SLC44A5: variants seen among roughly 807,000 people sequenced by gnomAD.
The protein encoded by SLC44A5 is solute carrier family 44 member 5, also known as choline transporter-like protein 5.
Under a neutral mutation model 101.8 loss-of-function variants are expected in SLC44A5, and 57 were observed. The ratio of observed to expected loss-of-function variants is 0.56; its 90% CI spans 0.45 to 0.70. The LOEUF is 0.70. Among genes scored for constraint, SLC44A5 ranks in the 30% least tolerant of loss-of-function variants. The probability of loss-of-function intolerance (pLI) is 0.00; values close to 1 mark genes in which losing one functional copy is unlikely to be tolerated. For synonymous variants in SLC44A5, 281 were observed against 290.9 expected (o/e 0.97, Z 0.35); for missense variants, 737 against 853.1 (o/e 0.86, Z 1.70).
At chr1:75,649,785 C>T in the SLC44A5 span, among the ~76,000 whole-genome samples, 393 of 152,190 alleles carry the variant, frequency 2.6e-3, 3 homozygotes, top group African/African-American at 9.1e-3. Context: ...AGAAATCCCA[C>T]AAAACTCACT....
chr1:75,433,767 T>C (rs1891903), intron 2 of SLC44A5, among the ~76,000 whole-genome samples: 31,335 of 152,104 alleles, frequency 0.21, 3,389 homozygotes, highest in Non-Finnish European at 0.24. Flanking sequence ...GTTTTCACAC[T>C]GCTGATAAAG....
chr1:75,564,779 G>A (rs1672705038), intron 1 of SLC44A5, among the ~76,000 whole-genome samples: 1 of 151,834 alleles, frequency 6.6e-6, no homozygotes, highest in Non-Finnish European at 1.5e-5. Flanking sequence ...GCCACCACCA[G>A]GCCCAGCTAA....
At chr1:75,367,638 C>T (rs140248685) in intron 3 of SLC44A5, among the ~76,000 whole-genome samples, 63 of 152,316 alleles carry the variant, frequency 4.1e-4, no homozygotes, top group African/African-American at 1.4e-3. Flanking sequence ...TGTGGTTCCT[C>T]GTGCGTCCCT....
chr1:75,558,760 C>T (rs1194687565), intron 1 of SLC44A5, among the ~76,000 whole-genome samples: 1 of 152,070 alleles, frequency 6.6e-6, no homozygotes, highest in Non-Finnish European at 1.5e-5. Context: ...CTGAGAAAAA[C>T]ATATTTATGT....
At chr1:75,287,553 G>C (rs569031662) in intron 5 of SLC44A5, among the ~76,000 whole-genome samples, 48 of 141,904 alleles carry the variant, frequency 3.4e-4, no homozygotes, top group Non-Finnish European at 4.5e-4. Flanking sequence ...TTGTTTTTCT[G>C]GTTCCTTCTC....
chr1:75,376,194 G>A (rs2101208858), intron 3 of SLC44A5, among the ~76,000 whole-genome samples: 1 of 152,334 alleles, frequency 6.6e-6, no homozygotes, highest in African/African-American at 2.4e-5. Flanking sequence ...CTACGCCCAT[G>A]GAGTCTCGCT....
chr1:75,427,805 G>A (rs1664397860), intron 2 of SLC44A5, among the ~76,000 whole-genome samples: 1 of 152,126 alleles, frequency 6.6e-6, no homozygotes, highest in Non-Finnish European at 1.5e-5. Flanking sequence ...TTATTAAAAA[G>A]CCATTGAAAT....
intron 2 of SLC44A5, among the ~76,000 whole-genome samples, chr1:75,420,365 C>T (rs1046898409): frequency 7.3e-5 from 11 of 151,472 alleles, no homozygotes; most frequent in Non-Finnish European, 1.6e-4. Flanking sequence ...ATAAAAAATG[C>T]TCATTCAAAA....
the SLC44A5 span, among the ~76,000 whole-genome samples, chr1:75,618,297 G>T: frequency 6.6e-6 from 1 of 152,104 alleles, no homozygotes; most frequent in Non-Finnish European, 1.5e-5. Flanking sequence ...CTCAATTAAG[G>T]TCATGACAAT....
the SLC44A5 span, among the ~76,000 whole-genome samples, chr1:75,639,631 A>G: frequency 1.3e-5 from 2 of 152,126 alleles, no homozygotes; most frequent in Non-Finnish European, 2.9e-5. Flanking sequence ...ATGCCATTAT[A>G]CAGGGATCAA....
At chr1:75,722,013 G>C in the SLC44A5 span, among the ~76,000 whole-genome samples, 3 of 152,128 alleles carry the variant, frequency 2.0e-5, no homozygotes, top group African/African-American at 7.2e-5. Context: ...AGGTTTTATA[G>C]GAAATGGTTA....
intron 3 of SLC44A5, among the ~76,000 whole-genome samples, chr1:75,361,344 T>A (rs1272713479): frequency 6.6e-6 from 1 of 152,124 alleles, no homozygotes; most frequent in Non-Finnish European, 1.5e-5. Flanking sequence ...TCTAGAGTTA[T>A]GTTGAAAAGA....
intron 1 of SLC44A5, among the ~76,000 whole-genome samples, chr1:75,589,404 A>G (rs1674212589): frequency 6.6e-6 from 1 of 152,200 alleles, no homozygotes. Flanking sequence ...AACTCTAATG[A>G]CTACTCAACG....
intron 2 of SLC44A5, among the ~76,000 whole-genome samples, chr1:75,435,460 C>A (rs2101609169): frequency 6.6e-6 from 1 of 152,152 alleles, no homozygotes; most frequent in Non-Finnish European, 1.5e-5. Context: ...TTGTTCATTC[C>A]AGGGATGCTT....
intron 1 of SLC44A5, among the ~76,000 whole-genome samples, chr1:75,579,342 C>G (rs973076964): frequency 3.3e-5 from 5 of 152,204 alleles, no homozygotes; most frequent in Non-Finnish European, 7.3e-5. Context: ...ACTTGGGAGA[C>G]TGATGCAGGA....
At chr1:75,680,563 C>T in the SLC44A5 span, among the ~76,000 whole-genome samples, 19 of 151,090 alleles carry the variant, frequency 1.3e-4, no homozygotes, top group Admixed American at 2.0e-4. Flanking sequence ...TTGAAACCAA[C>T]GAAAACAAAG....
intron 2 of SLC44A5, among the ~76,000 whole-genome samples, chr1:75,438,683 T>A (rs889259634): frequency 2.6e-5 from 4 of 152,100 alleles, no homozygotes; most frequent in African/African-American, 9.7e-5. Flanking sequence ...TGGTCCAGGT[T>A]GATAGGATCC....
chr1:75,551,504 G>A (rs1671935607), intron 1 of SLC44A5, among the ~76,000 whole-genome samples: 1 of 152,120 alleles, frequency 6.6e-6, no homozygotes, highest in African/African-American at 2.4e-5. Context: ...CAAGCTGACA[G>A]GAGTATTCCA....
intron 2 of SLC44A5, among the ~76,000 whole-genome samples, chr1:75,531,634 C>T (rs1670725866): frequency 6.6e-6 from 1 of 152,202 alleles, no homozygotes; most frequent in African/African-American, 2.4e-5. Context: ...CCGTGTCACA[C>T]TTTGACAAAG....
Sources: allele counts gnomAD v4.1 joint callset (sites outside exome capture counted in the v4.1 genomes callset), GRCh38; gene constraint gnomAD v4.1.1; transcripts MANE v1.5; gene names NCBI Gene and HGNC (gene_info 2026-07-23, HGNC 2026-07-21).